STIP1: variants seen among roughly 807,000 people sequenced by gnomAD.
STIP1 encodes the protein stress-induced-phosphoprotein 1.
STIP1 carries 16 observed loss-of-function variants against 77.4 expected under a neutral mutation model. The observed-to-expected ratio is 0.21, with a 90% confidence interval of 0.14 to 0.31. The LOEUF is 0.31. Ranked by LOEUF, STIP1 falls within the 10% of genes least tolerant of loss-of-function variation. STIP1 has a pLI of 1.00. For missense variants in STIP1, 524 were observed against 684.8 expected, an observed-to-expected ratio of 0.77 and a Z score of 2.62; for synonymous variants, 258 against 246.6, an observed-to-expected ratio of 1.05 and a Z score of -0.44.
rs552221885 is a variant in STIP1, at chr11:64,186,217, G to C, written c.-45G>C. ...GGCGGCGCGTGCGGTTGGGAACGCG[G>C]AGCGGACGGATTCGATTCAACGGGG... is the stretch of plus-strand genomic sequence containing the variant. On this transcript the variant is annotated 5_prime_UTR_variant, in exon 1 of 14. Transcript: ENST00000305218. 7 of 1,550,840 alleles carry C rather than the reference G, an allele frequency of 4.5e-6. No homozygotes were observed. The highest frequency in any genetic ancestry group is 4.1e-5 in the African/African-American group (3 of 73,140).
chr11:64,199,784 C>T (rs943103136), intron 8 of STIP1, among the ~76,000 whole-genome samples, 156 bp from the exon 9 acceptor site: 3 of 151,882 alleles, frequency 2.0e-5, no homozygotes, highest in Non-Finnish European at 4.4e-5. Flanking sequence ...AGGATGGTCT[C>T]GATCTCCTGA....
intron 1 of STIP1, 93 bp from the exon 2 acceptor site, chr11:64,192,985 T>G: frequency 4.2e-6 from 5 of 1,192,220 alleles, no homozygotes; most frequent in Non-Finnish European, 6.1e-6. Flanking sequence ...CCTATTTATT[T>G]GTTGGTAACT....
Position 64,193,254 on chromosome 11 carries a change from C to T in STIP1, c.186C>T (p.Cys62=). The change falls in exon 2 of 14, where the codon TGC becomes TGT. Residue 62 remains cysteine (C), a synonymous_variant. Coordinates refer to ENST00000305218, the MANE Select transcript of STIP1 (RefSeq NM_006819.3). ...GDYQKAYEDG[C]KTVDLKPDWG... ...ACCAGAAGGCTTATGAGGATGGCTG[C>T]AAGACTGTCGACCTAAAGCCTGACT... 1.2e-6 allele frequency: 2 copies of T among 1,614,204 alleles called. No homozygotes were observed. Among genetic ancestry groups the T allele is most frequent in the East Asian group, 4.5e-5 (2 of 44,882 alleles).
In STIP1 at chr11:64,186,192, G is replaced by C; in HGVS notation, c.-70G>C. Reference sequence around the variant, plus strand: ...CGGTAGCTTCTAGTAGGTTCCAGAAGGCGGCGCGTGCGGTTGGGAACGCGG... The same window carrying C: ...CGGTAGCTTCTAGTAGGTTCCAGAACGCGGCGCGTGCGGTTGGGAACGCGG... On this transcript the variant is annotated 5_prime_UTR_variant, in exon 1 of 14. Transcript: ENST00000305218. 6.4e-7 allele frequency: 1 copy of C among 1,550,846 alleles called. No individual in the cohort carries two copies.
At chr11:64,203,337 C>A (rs543118448) in intron 12 of STIP1, 109 bp downstream of exon 12, 10 of 1,577,406 alleles carry the variant, frequency 6.3e-6, no homozygotes, top group South Asian at 1.1e-5. Context: ...CTCTCTGTTT[C>A]TCTCTTACTT....
intron 2 of STIP1, 199 bp downstream of exon 2, chr11:64,193,486 AGAAG>A: frequency 1.7e-6 from 1 of 593,234 alleles, no homozygotes. Context: ...TTTGGTACTA[AGAAG>A]GAAGAGGCCA....
chr11:64,194,595 C>T lies in STIP1; in HGVS notation c.478C>T (p.Arg160Ter). Residue 160 changes from arginine to a stop codon, truncating the protein, a stop_gained, in exon 4 of 14, where the codon CGA becomes TGA. Transcript: ENST00000305218. LOFTEE classifies it high-confidence loss of function. Reference sequence around the variant, plus strand: ...CTACCGGGAGCTGATAGAGCAGCTACGAAACAAGCCTTCTGACCTGGGCAC... The same window carrying T: ...CTACCGGGAGCTGATAGAGCAGCTATGAAACAAGCCTTCTGACCTGGGCAC... ...PTYRELIEQL[R>*]NKPSDLGTKL... is the part of the protein sequence containing the mutation. 1 of 1,614,106 alleles carries T rather than the reference C, an allele frequency of 6.2e-7. No homozygotes were observed. The highest frequency in any genetic ancestry group is 8.5e-7 in the Non-Finnish European group (1 of 1,180,012).
At chr11:64,185,654 C>T (rs1946001986), upstream of STIP1, 7 of 911,654 alleles carry the variant, frequency 7.7e-6, no homozygotes, top group South Asian at 5.4e-5. Context: ...CCAGAGGCCC[C>T]GCAGCCGCCG....
intron 8 of STIP1, among the ~76,000 whole-genome samples, chr11:64,198,927 CAGTGGCTCACGCCTGT>C (rs1946182398): frequency 6.6e-6 from 1 of 151,766 alleles, no homozygotes; most frequent in Non-Finnish European, 1.5e-5. Flanking sequence ...TAGCCGGGTG[CAGTGGCTCACGCCTGT>C]AATCCCAGCA....
chr11:64,188,361 AAAAG>A (rs1349719438), intron 1 of STIP1, among the ~76,000 whole-genome samples: 2 of 149,782 alleles, frequency 1.3e-5, no homozygotes, highest in East Asian at 1.9e-4. Flanking sequence ...AAAAAAAAAG[AAAAG>A]AAACGATTTC....
At chr11:64,203,075 G>A (rs1322867247) in intron 11 of STIP1, 50 bp from the exon 12 acceptor site, 2 of 1,608,750 alleles carry the variant, frequency 1.2e-6, no homozygotes, top group African/African-American at 1.3e-5. Flanking sequence ...GGTGCAAGGA[G>A]CAGCCTTGGG....
chr11:64,195,831 C>T lies in STIP1; in HGVS notation c.672+18C>T, dbSNP rs762693030. 14 of 1,613,906 alleles carry T rather than the reference C, an allele frequency of 8.7e-6. No homozygotes were observed. The highest frequency in any genetic ancestry group is 1.2e-5 in the Non-Finnish European group (14 of 1,179,922). ...AGAAGCAGGTCTTGTTTTTTTCTCT[C>T]CTCACTGTCACCTATCTATAAACAA... is the stretch of plus-strand genomic sequence containing the variant. On this transcript the variant is annotated intron_variant, in intron 5 of 13. Coordinates refer to ENST00000305218, the MANE Select transcript of STIP1 (RefSeq NM_006819.3).
At chr11:64,190,654 TAA>T (rs1946082345) in intron 1 of STIP1, among the ~76,000 whole-genome samples, 4 of 152,192 alleles carry the variant, frequency 2.6e-5, no homozygotes, top group Admixed American at 2.0e-4. Flanking sequence ...CGTGGGTGGA[TAA>T]TACATAGAAT....
At position 64,186,196 on chromosome 11, in the gene STIP1, G is replaced by A; in HGVS notation, c.-66G>A. ...AGCTTCTAGTAGGTTCCAGAAGGCG[G>A]CGCGTGCGGTTGGGAACGCGGAGCG... is the stretch of plus-strand genomic sequence containing the variant. On this transcript the variant is annotated 5_prime_UTR_variant, in exon 1 of 14. Coordinates refer to ENST00000305218, the MANE Select transcript of STIP1 (RefSeq NM_006819.3). 1 of 1,550,720 alleles carries A rather than the reference G, an allele frequency of 6.4e-7. No individual in the cohort carries two copies.
rs376815786 is a variant in STIP1 at position 64,201,513 on chromosome 11, C to T, written c.1245+1220C>T. ...CATAATCCTCTCGAATCTCAGCCAC[C>T]CTGCCTCTATCAGCAGTTTTTTTTG... On this transcript the variant is annotated intron_variant, in intron 10 of 13. Transcript: ENST00000305218. 1.6e-3 allele frequency among the ~76,000 whole-genome samples: 247 copies of T among 152,254 alleles called. 4 individuals carry two copies. The Middle Eastern group carries it at 0.034, about 21-fold the overall frequency.
Position 64,197,766 on chromosome 11 carries a change from G to C in STIP1, c.903-88G>C, listed in dbSNP as rs1037725554. 3.2e-6 allele frequency: 5 copies of C among 1,572,174 alleles called. No homozygotes were observed. In the African/African-American group the frequency reaches 4.1e-5, roughly 13 times the overall value. On this transcript the variant is annotated intron_variant, in intron 7 of 13. Transcript: ENST00000305218. ...CAAAAGGTGTTGAAGGCAGTGATGC[G>C]GGCCTTTCTAGCTGCAGGTGTGTTT...
chr11:64,204,049 TG>T lies in STIP1; in HGVS notation c.1560-4del. On this transcript the variant is annotated splice_polypyrimidine_tract_variant and splice_region_variant and intron_variant, in intron 13 of 13. Transcript: ENST00000305218. ...CATTTCAAGTAACTGCGTCTTCCTC[TG>T]TAGACACTTAAAGAATCCTGTAATA... 6.2e-7 allele frequency: 1 copy of T among 1,614,136 alleles called. No individual in the cohort carries two copies. Among genetic ancestry groups the T allele is most frequent in the South Asian group, 1.1e-5 (1 of 91,074 alleles).
At chr11:64,187,667 G>C (rs1946040323) in intron 1 of STIP1, among the ~76,000 whole-genome samples, 1 of 152,164 alleles carries the variant, frequency 6.6e-6, no homozygotes, top group African/African-American at 2.4e-5. Flanking sequence ...GTATAGGTGA[G>C]GAAAAGATTT....
At chr11:64,197,628 C>G in intron 7 of STIP1, 33 bp downstream of exon 7, 1 of 1,610,458 alleles carries the variant, frequency 6.2e-7, no homozygotes, top group South Asian at 1.1e-5. Flanking sequence ...CCTTGAGTAG[C>G]GCGGAGGGTT....
Sources: gnomAD v4.1 joint callset for allele counts (sites outside exome capture counted in the v4.1 genomes callset) on GRCh38, gnomAD v4.1.1 for gene constraint, MANE v1.5 for transcripts, NCBI Gene and HGNC (gene_info 2026-07-23, HGNC 2026-07-21) for gene names.